The following CCBE1 variants were observed in gnomAD, a reference collection of about 807,000 sequenced individuals.
CCBE1 encodes collagen and calcium-binding EGF domain-containing protein 1.
In CCBE1, 37 loss-of-function variants were observed where a neutral mutation model predicts 50.0. The ratio of observed to expected loss-of-function variants is 0.74; its 90% CI spans 0.57 to 0.97. The LOEUF is 0.97. CCBE1 is among the 50% of genes least tolerant of loss of function. The pLI is 0.00. For synonymous variants in CCBE1, 234 were observed against 203.7 expected (o/e 1.15, Z -1.27); for missense variants, 538 against 523.8 (o/e 1.03, Z -0.26).
chr18:59,494,367 A>G (rs1913249185), intron 2 of CCBE1, among the ~76,000 whole-genome samples: 1 of 152,318 alleles, frequency 6.6e-6, no homozygotes, highest in African/African-American at 2.4e-5. Flanking sequence ...GATGATCCTT[A>G]GACAACCTTT....
chr18:59,454,327 C>T (rs1269897838), intron 6 of CCBE1, among the ~76,000 whole-genome samples: 3 of 152,174 alleles, frequency 2.0e-5, no homozygotes, highest in Non-Finnish European at 4.4e-5. Flanking sequence ...TCACTGCAAC[C>T]TCTGCCTCCC....
At chr18:59,502,160 G>A (rs544150766) in intron 2 of CCBE1, among the ~76,000 whole-genome samples, 1 of 152,196 alleles carries the variant, frequency 6.6e-6, no homozygotes, top group East Asian at 1.9e-4. Context: ...GTCACCTTGG[G>A]GTCTGAGCAT....
At chr18:59,532,038 A>G (rs1253990392) in intron 2 of CCBE1, among the ~76,000 whole-genome samples, 1 of 152,064 alleles carries the variant, frequency 6.6e-6, no homozygotes, top group African/African-American at 2.4e-5. Flanking sequence ...AAACATACTC[A>G]TGACCGTCTA....
Position 59,697,192 on chromosome 18 carries a change from C to T in CCBE1, c.131+20G>A. On this transcript the variant is annotated intron_variant, in intron 1 of 10. Transcript: ENST00000439986. The stretch of plus-strand genomic sequence containing the variant: ...GCATCAAGCAGGAGCTCGCCCTCCG[C>T]TGGGGCTTGCAGCGCTTACCTGTCG... 1 of 1,548,228 alleles carries T rather than the reference C, an allele frequency of 6.5e-7. No homozygotes were observed. Among genetic ancestry groups the T allele is most frequent in the Non-Finnish European group, 8.7e-7 (1 of 1,146,638 alleles).
chr18:59,548,068 T>C (rs1053876460), intron 2 of CCBE1, among the ~76,000 whole-genome samples: 6 of 152,222 alleles, frequency 3.9e-5, no homozygotes, highest in East Asian at 1.9e-4. Flanking sequence ...CATCACGTGA[T>C]GTGAACTATC....
intron 2 of CCBE1, among the ~76,000 whole-genome samples, chr18:59,514,416 C>A (rs113872797): frequency 4.6e-5 from 7 of 152,232 alleles, no homozygotes; most frequent in African/African-American, 1.7e-4. Flanking sequence ...TAATCTGGCA[C>A]TTTGTTTTCC....
intron 2 of CCBE1, among the ~76,000 whole-genome samples, chr18:59,603,668 T>C (rs1354123406): frequency 6.6e-6 from 1 of 152,274 alleles, no homozygotes; most frequent in Non-Finnish European, 1.5e-5. Context: ...TACAAAGTTG[T>C]TGCTCTTTCT....
intron 2 of CCBE1, among the ~76,000 whole-genome samples, chr18:59,658,994 C>T (rs375838648): frequency 1.4e-3 from 214 of 151,284 alleles, no homozygotes; most frequent in African/African-American, 4.9e-3. Context: ...ATCAGAAAAG[C>T]TCAACTAATC....
chr18:59,490,960 G>T (rs1017082000), intron 2 of CCBE1, among the ~76,000 whole-genome samples: 23 of 152,146 alleles, frequency 1.5e-4, no homozygotes, highest in Non-Finnish European at 2.9e-5. Context: ...CTCTTACTCT[G>T]GAGGTCATTG....
intron 2 of CCBE1, among the ~76,000 whole-genome samples, chr18:59,565,888 G>T (rs1256980788): frequency 6.6e-6 from 1 of 151,788 alleles, no homozygotes; most frequent in Non-Finnish European, 1.5e-5. Flanking sequence ...GCATAAAATA[G>T]TCTCAGGTGC....
At chr18:59,448,243 A>G (rs1910774861) in intron 6 of CCBE1, 140 bp from the exon 7 acceptor site, 1 of 1,285,156 alleles carries the variant, frequency 7.8e-7, no homozygotes, top group Admixed American at 2.1e-5. Flanking sequence ...GAGCTCAGAG[A>G]AACTATAAAG....
chr18:59,598,663 G>C (rs2053389146), intron 2 of CCBE1, among the ~76,000 whole-genome samples: 1 of 152,162 alleles, frequency 6.6e-6, no homozygotes, highest in South Asian at 2.1e-4. Context: ...GGTAGGTGTG[G>C]CCCTAACTCC....
At position 59,652,269 on chromosome 18, in the gene CCBE1, C is replaced by T. The variant is rs1024781038; in HGVS notation, c.212+44360G>A. Among the ~76,000 whole-genome samples, 6 of 152,236 alleles carry T rather than the reference C, an allele frequency of 3.9e-5. 1 individual carries two copies. In the South Asian group the frequency reaches 8.3e-4, roughly 21 times the overall value. ...TCTTTAAAAATCTCAGCCTTGGAAT[C>T]GAAGAATCAAGAAAAACTCAGCCAA... On this transcript the variant is annotated intron_variant, in intron 2 of 10. Coordinates refer to ENST00000439986, the MANE Select transcript of CCBE1 (RefSeq NM_133459.4).
intron 2 of CCBE1, among the ~76,000 whole-genome samples, chr18:59,577,204 T>C (rs540403033): frequency 1.2e-4 from 19 of 152,290 alleles, no homozygotes; most frequent in Non-Finnish European, 1.8e-4. Flanking sequence ...AGGCTGAGCA[T>C]TGAACATATG....
chr18:59,573,505 G>A (rs1317620346), intron 2 of CCBE1, among the ~76,000 whole-genome samples: 1 of 151,484 alleles, frequency 6.6e-6, no homozygotes, highest in Non-Finnish European at 1.5e-5. Context: ...CCAATTGTGT[G>A]AGCCAATTTC....
chr18:59,476,133 C>T (rs931879708), intron 3 of CCBE1, among the ~76,000 whole-genome samples: 5 of 152,118 alleles, frequency 3.3e-5, no homozygotes, highest in African/African-American at 4.8e-5. Flanking sequence ...GCCACTATCT[C>T]GGTGATCCTG....
intron 2 of CCBE1, among the ~76,000 whole-genome samples, chr18:59,495,659 T>C (rs1913321398): frequency 6.6e-6 from 1 of 151,818 alleles, no homozygotes; most frequent in Admixed American, 6.6e-5. Flanking sequence ...CACATTGGTA[T>C]ATGTGAGCAG....
At chr18:59,580,995 A>G (rs969778727) in intron 2 of CCBE1, among the ~76,000 whole-genome samples, 1 of 152,122 alleles carries the variant, frequency 6.6e-6, no homozygotes, top group Non-Finnish European at 1.5e-5. Flanking sequence ...TGATTAGTTT[A>G]TTTCCTTTAA....
intron 2 of CCBE1, among the ~76,000 whole-genome samples, chr18:59,682,097 C>T (rs901899474): frequency 2.0e-5 from 3 of 152,204 alleles, no homozygotes; most frequent in Non-Finnish European, 2.9e-5. Context: ...GGCGCGTTGG[C>T]TCATGCCTGT....
Sources: gnomAD v4.1 joint callset for allele counts (sites outside exome capture counted in the v4.1 genomes callset) on GRCh38, gnomAD v4.1.1 for gene constraint, MANE v1.5 for transcripts, NCBI Gene and HGNC (gene_info 2026-07-23, HGNC 2026-07-21) for gene names.